Variants in HUNK observed in about 807,000 individuals in gnomAD.
HUNK encodes the protein hormonally up-regulated neu tumor-associated kinase.
HUNK carries 21 observed loss-of-function variants against 61.0 expected under a neutral mutation model. The ratio of observed to expected loss-of-function variants is 0.34; its 90% CI spans 0.24 to 0.50. The LOEUF is 0.50. Among genes scored for constraint, HUNK ranks in the 20% least tolerant of loss-of-function variants. HUNK has a pLI of 0.98. For synonymous variants in HUNK, 371 were observed against 386.1 expected, an observed-to-expected ratio of 0.96 and a Z score of 0.46; for missense variants, 772 against 945.7, an observed-to-expected ratio of 0.82 and a Z score of 2.41.
intron 7 of HUNK, among the ~76,000 whole-genome samples, chr21:31,979,908 G>A (rs926951573): frequency 6.6e-6 from 1 of 152,058 alleles, no homozygotes; most frequent in Admixed American, 6.5e-5. Context: ...TTCCTTTGTT[G>A]TGCAGAGCTT....
chr21:31,988,673 CTCTT>C (rs56277632), intron 8 of HUNK, among the ~76,000 whole-genome samples: 1 of 150,552 alleles, frequency 6.6e-6, no homozygotes, highest in African/African-American at 2.4e-5. Context: ...TTCTTTCTTT[CTCTT>C]TCTTTTCTTT....
chr21:31,940,315 C>T (rs2123827616), intron 3 of HUNK, 95 bp downstream of exon 3: 1 of 687,972 alleles, frequency 1.5e-6, no homozygotes, highest in African/African-American at 1.9e-5. Context: ...ATCTCTAATA[C>T]CCAGACAATA....
intron 1 of HUNK, among the ~76,000 whole-genome samples, chr21:31,875,632 A>G (rs1471648352): frequency 1.3e-5 from 2 of 152,184 alleles, no homozygotes; most frequent in Non-Finnish European, 2.9e-5. Flanking sequence ...GGGCGCGAGG[A>G]TGCGGCTAAT....
Position 32,001,110 on chromosome 21 carries a change from G to T in HUNK, c.*1926G>T. 1 of 107,048 alleles carries T rather than the reference G, an allele frequency of 9.3e-6. No homozygotes were observed. Among genetic ancestry groups the T allele is most frequent in the Non-Finnish European group, 1.9e-5 (1 of 51,542 alleles). The allele number at this position is 107,048 out of a possible 1,614,324, so 6.6% of individuals were successfully genotyped here. On this transcript the variant is annotated 3_prime_UTR_variant, in exon 11 of 11. Transcript: ENST00000270112. ...AACATGGTGAAAGCCCGTCTCTACC[G>T]AAAAATACAAAAAAAAATAGCTGGG...
At chr21:31,978,539 C>G (rs1455003250) in intron 7 of HUNK, among the ~76,000 whole-genome samples, 4 of 152,092 alleles carry the variant, frequency 2.6e-5, no homozygotes, top group Non-Finnish European at 4.4e-5. Flanking sequence ...CTTCTGTGAC[C>G]TACACTTTTT....
chr21:31,990,251 A>G (rs1168726848), intron 9 of HUNK, 75 bp downstream of exon 9: 6 of 1,329,516 alleles, frequency 4.5e-6, no homozygotes, highest in Non-Finnish European at 6.5e-6. Context: ...GGAGAGAGAG[A>G]GAGATTGAGA....
At chr21:31,985,789 G>T (rs941765199) in intron 8 of HUNK, among the ~76,000 whole-genome samples, 1 of 152,132 alleles carries the variant, frequency 6.6e-6, no homozygotes, top group African/African-American at 2.4e-5. Flanking sequence ...GAGGTTGCAT[G>T]GATTTGGGGG....
At chr21:31,876,277 G>A (rs2052261706) in intron 1 of HUNK, among the ~76,000 whole-genome samples, 1 of 152,186 alleles carries the variant, frequency 6.6e-6, no homozygotes, top group African/African-American at 2.4e-5. Context: ...GTTTTCCCGG[G>A]ATGCTCCTCC....
At position 32,000,879 on chromosome 21, in the gene HUNK, C is replaced by G. The variant is rs929697679; in HGVS notation, c.*1695C>G. On this transcript the variant is annotated 3_prime_UTR_variant, in exon 11 of 11. Coordinates refer to ENST00000270112, the MANE Select transcript of HUNK (RefSeq NM_014586.2). ...TGCCTGTTTCTTCCCTAGGGGATCA[C>G]CACGGCTCTAGGGCATTCTAGGATG... The G allele has an allele frequency of 1.5e-5, 6 of 397,530 alleles. No individual in the cohort carries two copies. Among genetic ancestry groups the G allele is most frequent in the Non-Finnish European group, 2.7e-5 (6 of 226,036 alleles). 24.6% of individuals were successfully genotyped at this position (397,530 alleles called of 1,614,324 possible). A position where few individuals can be genotyped will look rare whatever the true frequency, so the allele number is the denominator to read the frequency against.
chr21:31,970,757 G>C (rs2053004473), intron 6 of HUNK, among the ~76,000 whole-genome samples: 1 of 152,142 alleles, frequency 6.6e-6, no homozygotes, highest in Non-Finnish European at 1.5e-5. Context: ...ATTACGAGGC[G>C]ACATCTCATT....
rs2053232491 is a variant in HUNK, at chr21:31,999,560, T to A, written c.*376T>A. 4.9e-6 allele frequency: 1 copy of A among 203,952 alleles called. No individual in the cohort carries two copies. The highest frequency in any genetic ancestry group is 9.9e-6 in the Non-Finnish European group (1 of 100,678). The allele number at this position is 203,952 out of a possible 1,614,324, so 12.6% of individuals were successfully genotyped here. On this transcript the variant is annotated 3_prime_UTR_variant, in exon 11 of 11. Transcript: ENST00000270112. ...CTTCACGCTGTGCTACATGTGTGCCTCTCACAGCAGTTGGCCACAGTTACA... is the reference window on the plus strand; with the variant it reads ...CTTCACGCTGTGCTACATGTGTGCCACTCACAGCAGTTGGCCACAGTTACA...
intron 8 of HUNK, among the ~76,000 whole-genome samples, chr21:31,985,727 T>C (rs145076686): frequency 2.0e-5 from 3 of 152,228 alleles, no homozygotes; most frequent in African/African-American, 4.8e-5. Flanking sequence ...GGCAGCTAGT[T>C]GTCCTGAGGA....
intron 1 of HUNK, among the ~76,000 whole-genome samples, chr21:31,887,664 C>G (rs1601359509): frequency 6.6e-6 from 1 of 152,220 alleles, no homozygotes; most frequent in East Asian, 1.9e-4. Context: ...TTTGCCGGGG[C>G]TCTGTGTGTA....
intron 5 of HUNK, among the ~76,000 whole-genome samples, chr21:31,966,418 G>A (rs1187465762): frequency 6.6e-6 from 1 of 152,132 alleles, no homozygotes; most frequent in Non-Finnish European, 1.5e-5. Flanking sequence ...TTCATGTAAT[G>A]ACCTATTTTC....
chr21:31,894,318 A>C (rs1363856397), intron 1 of HUNK, among the ~76,000 whole-genome samples: 1 of 152,164 alleles, frequency 6.6e-6, no homozygotes, highest in Non-Finnish European at 1.5e-5. Flanking sequence ...CATTCCCTCT[A>C]CACTCATGGA....
chr21:31,920,674 G>C (rs2052616535), intron 1 of HUNK, among the ~76,000 whole-genome samples: 1 of 152,180 alleles, frequency 6.6e-6, no homozygotes, highest in South Asian at 2.1e-4. Context: ...GCCAGACACA[G>C]CCAGAGTGTA....
chr21:31,878,700 G>A (rs2052284267), intron 1 of HUNK, among the ~76,000 whole-genome samples: 1 of 152,168 alleles, frequency 6.6e-6, no homozygotes. Flanking sequence ...ATGGTCTCTG[G>A]CACATGACAG....
intron 2 of HUNK, among the ~76,000 whole-genome samples, chr21:31,929,887 C>A (rs1601383613): frequency 6.6e-6 from 1 of 152,240 alleles, no homozygotes; most frequent in South Asian, 2.1e-4. Flanking sequence ...CAGGCACAAC[C>A]TGTGCTGGTT....
intron 7 of HUNK, among the ~76,000 whole-genome samples, chr21:31,976,214 A>T (rs183088014): frequency 1.3e-5 from 2 of 152,292 alleles, no homozygotes; most frequent in South Asian, 2.1e-4. Context: ...GATTTCACAG[A>T]TGGTGTCACT....
Sources: gnomAD v4.1 joint callset for allele counts (sites outside exome capture counted in the v4.1 genomes callset) on GRCh38, gnomAD v4.1.1 for gene constraint, MANE v1.5 for transcripts, NCBI Gene and HGNC (gene_info 2026-07-23, HGNC 2026-07-21) for gene names.